The following PARD3 variants were observed in gnomAD, a reference collection of about 807,000 sequenced individuals.
PARD3 encodes the protein partitioning defective 3 homolog.
Under a neutral mutation model 155.4 loss-of-function variants are expected in PARD3, and 75 were observed. The observed-to-expected ratio is 0.48, with a 90% CI of 0.40 to 0.58. The LOEUF (loss-of-function observed/expected upper bound fraction) is 0.58, where lower values mean the gene tolerates loss of function less well. PARD3 is among the 20% of genes least tolerant of loss of function. PARD3 has a pLI of 0.00. For synonymous variants in PARD3, 576 were observed against 610.5 expected, an observed-to-expected ratio of 0.94 and a Z score of 0.83; for missense variants, 1,642 against 1,721.7, an observed-to-expected ratio of 0.95 and a Z score of 0.82.
intron 1 of PARD3, among the ~76,000 whole-genome samples, chr10:34,718,425 C>T (rs931093753): frequency 4.6e-5 from 7 of 151,914 alleles, no homozygotes; most frequent in African/African-American, 1.5e-4. Context: ...TGTGGGAGGC[C>T]GAGGCCAGAG....
intron 2 of PARD3, among the ~76,000 whole-genome samples, chr10:34,577,288 T>C (rs957188216): frequency 6.6e-6 from 1 of 152,224 alleles, no homozygotes; most frequent in African/African-American, 2.4e-5. Flanking sequence ...TGCAGAGTTT[T>C]AGCAAATGAT....
At chr10:34,495,151 T>C (rs1191429097) in intron 3 of PARD3, among the ~76,000 whole-genome samples, 2 of 151,416 alleles carry the variant, frequency 1.3e-5, no homozygotes, top group African/African-American at 2.4e-5. Flanking sequence ...CCTAACTATC[T>C]GTACCCATAA....
intron 22 of PARD3, among the ~76,000 whole-genome samples, chr10:34,242,916 C>T (rs963758347): frequency 6.6e-6 from 1 of 152,228 alleles, no homozygotes; most frequent in Non-Finnish European, 1.5e-5. Context: ...ACCTGGGCAA[C>T]AGACCAAGAC....
chr10:34,665,900 CAGAACAA>C (rs896979874), intron 2 of PARD3, among the ~76,000 whole-genome samples: 7 of 138,250 alleles, frequency 5.1e-5, no homozygotes, highest in African/African-American at 1.9e-4. Context: ...CAGAACAGAA[CAGAACAA>C]AAAGAAAAGA....
At chr10:34,761,891 A>G (rs571635716) in intron 1 of PARD3, among the ~76,000 whole-genome samples, 2 of 152,296 alleles carry the variant, frequency 1.3e-5, no homozygotes, top group South Asian at 4.1e-4. Context: ...CAAGGATGGG[A>G]TTAGAAAAAG....
intron 1 of PARD3, among the ~76,000 whole-genome samples, chr10:34,786,951 T>C (rs1564619212): frequency 6.6e-6 from 1 of 152,190 alleles, no homozygotes; most frequent in Non-Finnish European, 1.5e-5. Context: ...ACACATGTTA[T>C]CTAAAACGAC....
chr10:34,353,622 G>T (rs1029748548), intron 14 of PARD3, among the ~76,000 whole-genome samples: 1 of 151,962 alleles, frequency 6.6e-6, no homozygotes, highest in African/African-American at 2.4e-5. Flanking sequence ...AGAGACCCTT[G>T]TTCACATGTT....
At position 34,119,815 on chromosome 10, in the gene PARD3, C is replaced by T. The variant is rs534490064; in HGVS notation, c.3541-75G>A. The T allele has an allele frequency of 1.3e-4, 177 of 1,318,966 alleles. 3 individuals are homozygous for T. The Admixed American group carries it at 3.4e-3, about 25-fold the overall frequency. The allele number at this position is 1,318,966 out of a possible 1,614,324, so 81.7% of individuals were successfully genotyped here. The stretch of plus-strand genomic sequence containing the variant: ...ATCACACAACTGGTTGACTCCATTT[C>T]GATTCTTATGAATTGACTTTGAAAA... On this transcript the variant is annotated intron_variant, in intron 23 of 24. Transcript: ENST00000374788.
intron 1 of PARD3, among the ~76,000 whole-genome samples, chr10:34,719,208 GTCA>G (rs1156495961): frequency 6.6e-6 from 1 of 152,076 alleles, no homozygotes; most frequent in Non-Finnish European, 1.5e-5. Flanking sequence ...TAACCTTCAT[GTCA>G]TCATTAATTG....
chr10:34,218,119 C>G (rs1952096980), intron 22 of PARD3, among the ~76,000 whole-genome samples: 1 of 152,120 alleles, frequency 6.6e-6, no homozygotes, highest in South Asian at 2.1e-4. Context: ...GAAGGAACAC[C>G]ATGCACACCT....
intron 2 of PARD3, among the ~76,000 whole-genome samples, chr10:34,546,559 C>G (rs929868745): frequency 6.6e-6 from 1 of 150,632 alleles, no homozygotes. Flanking sequence ...TTTTTTGAGA[C>G]CCGAGTCTCA....
At chr10:34,118,755 C>T (rs997647221) in intron 24 of PARD3, among the ~76,000 whole-genome samples, 3 of 152,184 alleles carry the variant, frequency 2.0e-5, no homozygotes, top group Admixed American at 6.5e-5. Flanking sequence ...CAAAAGTCTA[C>T]CTGATATCAA....
chr10:34,210,233 ATGTG>A (rs200630439), intron 22 of PARD3, among the ~76,000 whole-genome samples: 2 of 151,214 alleles, frequency 1.3e-5, no homozygotes, highest in East Asian at 1.9e-4. Flanking sequence ...ACATGTATGT[ATGTG>A]TGTGTGTAGT....
intron 22 of PARD3, among the ~76,000 whole-genome samples, chr10:34,145,213 A>ATTT (rs1564429829): frequency 2.3e-4 from 15 of 64,026 alleles, no homozygotes; most frequent in African/African-American, 7.2e-4. Context: ...ATATATATAT[A>ATTT]TATATATATT....
intron 14 of PARD3, among the ~76,000 whole-genome samples, chr10:34,356,833 G>A (rs888215751): frequency 6.6e-6 from 1 of 152,096 alleles, no homozygotes; most frequent in Non-Finnish European, 1.5e-5. Context: ...AGTACAAAAG[G>A]GTTCTTGCTA....
intron 1 of PARD3, among the ~76,000 whole-genome samples, chr10:34,811,943 T>C (rs1462829397): frequency 6.6e-6 from 1 of 152,196 alleles, no homozygotes; most frequent in Non-Finnish European, 1.5e-5. Flanking sequence ...AGGCTCCTAA[T>C]GCAGATGGGT....
rs1242343095 is a variant in PARD3 at position 34,158,812 on chromosome 10, T to C, written c.3420-27229A>G. ...AATTCTTAGATGTATTTAATTTTAA[T>C]TAATTGAAAGCTAAAGAGCCAAATG... On this transcript the variant is annotated intron_variant, in intron 22 of 24. Coordinates refer to ENST00000374788, the MANE Select transcript of PARD3 (RefSeq NM_001184785.2). 2.6e-5 allele frequency among the ~76,000 whole-genome samples: 4 copies of C among 152,216 alleles called. No homozygotes were observed. In the East Asian group the frequency reaches 7.7e-4, roughly 29 times the overall value.
chr10:34,157,675 A>T (rs1451665709), intron 22 of PARD3, among the ~76,000 whole-genome samples: 5 of 152,214 alleles, frequency 3.3e-5, no homozygotes, highest in Non-Finnish European at 5.9e-5. Context: ...CTTGTGACTC[A>T]TATTTAAAAT....
At chr10:34,331,987 A>G (rs1835667200) in intron 18 of PARD3, among the ~76,000 whole-genome samples, 1 of 152,210 alleles carries the variant, frequency 6.6e-6, no homozygotes, top group South Asian at 2.1e-4. Context: ...TTGAACGGAA[A>G]CAGATTACAT....
Sources: gnomAD v4.1 joint callset for allele counts (sites outside exome capture counted in the v4.1 genomes callset) on GRCh38, gnomAD v4.1.1 for gene constraint, MANE v1.5 for transcripts, NCBI Gene and HGNC (gene_info 2026-07-23, HGNC 2026-07-21) for gene names.